Variants in SEMA3C observed in about 807,000 individuals in gnomAD.
SEMA3C encodes the protein semaphorin-3C.
SEMA3C carries 47 observed loss-of-function variants against 89.4 expected under a neutral mutation model. That is an observed-to-expected ratio of 0.53 (90% CI 0.42 to 0.67). The LOEUF is 0.67. SEMA3C is among the 30% of genes least tolerant of loss of function. The pLI is 0.00. For missense variants in SEMA3C, 839 were observed against 929.1 expected, an observed-to-expected ratio of 0.90 and a Z score of 1.26; for synonymous variants, 310 against 320.2, an observed-to-expected ratio of 0.97 and a Z score of 0.34.
chr7:80,822,584 G>C (rs2115784822), intron 4 of SEMA3C, among the ~76,000 whole-genome samples: 1 of 152,216 alleles, frequency 6.6e-6, no homozygotes, highest in South Asian at 2.1e-4. Flanking sequence ...GAATATTGCA[G>C]AGAAGACAGA....
At chr7:80,859,045 C>A (rs898850190) in intron 2 of SEMA3C, among the ~76,000 whole-genome samples, 6 of 151,844 alleles carry the variant, frequency 4.0e-5, no homozygotes, top group Admixed American at 3.9e-4. Context: ...CGTTTGAAAC[C>A]TTTGAAACTC....
intron 10 of SEMA3C, among the ~76,000 whole-genome samples, 153 bp from the exon 11 acceptor site, chr7:80,798,389 G>GA (rs1367608470): frequency 1.3e-5 from 2 of 151,970 alleles, no homozygotes; most frequent in Middle Eastern, 3.4e-3. Flanking sequence ...GAAAAACTTT[G>GA]AAAAAAGGTA....
chr7:80,747,345 T>C (rs1787825360), intron 17 of SEMA3C, among the ~76,000 whole-genome samples: 1 of 152,304 alleles, frequency 6.6e-6, no homozygotes, highest in African/African-American at 2.4e-5. Context: ...TTCAAACATA[T>C]GTATTTATTT....
chr7:80,827,353 C>G (rs540174689), intron 4 of SEMA3C, 72 bp downstream of exon 4: 264 of 1,406,990 alleles, frequency 1.9e-4, no homozygotes, highest in Non-Finnish European at 2.4e-4. Flanking sequence ...TGGCTTCCCT[C>G]AAAGTACATG....
chr7:80,744,713 A>C lies in SEMA3C; in HGVS notation c.*181T>G. ...GCACCATGAGGACCATGACATGTCTAGTGCTAGTCACTATCATACAAGAAA... is the reference window on the plus strand; with the variant it reads ...GCACCATGAGGACCATGACATGTCTCGTGCTAGTCACTATCATACAAGAAA... On this transcript the variant is annotated 3_prime_UTR_variant, in exon 18 of 18. Coordinates refer to ENST00000265361, the MANE Select transcript of SEMA3C (RefSeq NM_006379.5). 3.1e-6 allele frequency: 2 copies of C among 639,682 alleles called. No homozygotes were observed. Among genetic ancestry groups the C allele is most frequent in the South Asian group, 3.9e-5 (2 of 51,800 alleles). 39.6% of individuals were successfully genotyped at this position (639,682 alleles called of 1,614,324 possible).
chr7:80,828,616 T>C lies in SEMA3C; in HGVS notation c.233A>G (p.Asn78Ser). ...VGSKDHILSL[N>S]INNISQEALS... ...AGCTTCTTGACTTATATTGTTAATA[T>C]TCAGGGAAAGAATGTGATCTTTGCT... The change falls in exon 3 of 18, where the codon AAT becomes AGT. Residue 78 changes from asparagine (N) to serine (S), a missense_variant. Physicochemically the swap from Asn to Ser is conservative, Grantham distance 46. Transcript: ENST00000265361. The C allele has an allele frequency of 6.2e-7, 1 of 1,610,008 alleles. No individual in the cohort carries two copies.
At position 80,748,897 on chromosome 7, in the gene SEMA3C, C is replaced by A. The variant is rs538260254; in HGVS notation, c.1842+1G>T. The A allele has an allele frequency of 6.2e-7, 1 of 1,609,778 alleles. No individual in the cohort carries two copies. Among genetic ancestry groups the A allele is most frequent in the East Asian group, 2.2e-5 (1 of 44,798 alleles). On this transcript the variant is annotated splice_donor_variant, in intron 17 of 17. Transcript: ENST00000265361. LOFTEE classifies it high-confidence loss of function. ...GATTGCTGCTGTGCTGCTTTACTCA[C>A]CTCTTTCCTCCTGTCTTTGTCTTTC... is the stretch of plus-strand genomic sequence containing the variant.
At chr7:80,874,893 C>G (rs958508371) in intron 2 of SEMA3C, among the ~76,000 whole-genome samples, 3 of 152,018 alleles carry the variant, frequency 2.0e-5, no homozygotes, top group Admixed American at 2.0e-4. Context: ...CCAGCCTGAC[C>G]AACAAGATGA....
chr7:80,809,352 C>G (rs1354269755), intron 6 of SEMA3C, among the ~76,000 whole-genome samples: 4 of 152,110 alleles, frequency 2.6e-5, no homozygotes, highest in African/African-American at 9.7e-5. Context: ...AAAAAACACC[C>G]CTTTAACCAT....
In SEMA3C at chr7:80,810,605, A is replaced by C. The variant is rs1439202954; in HGVS notation, c.538+6T>G. 3 of 1,610,300 alleles carry C rather than the reference A, an allele frequency of 1.9e-6. No individual in the cohort carries two copies. Among genetic ancestry groups the C allele is most frequent in the Non-Finnish European group, 2.5e-6 (3 of 1,176,864 alleles). On this transcript the variant is annotated splice_donor_region_variant and intron_variant, in intron 6 of 17. Coordinates refer to ENST00000265361, the MANE Select transcript of SEMA3C (RefSeq NM_006379.5). ...TTTAATCCTCCCTCTTTCGTTGTCT[A>C]CTTACTGATCATAACAGACACCGTG...
At chr7:80,864,736 T>A (rs182673092) in intron 2 of SEMA3C, among the ~76,000 whole-genome samples, 1 of 152,292 alleles carries the variant, frequency 6.6e-6, no homozygotes, top group East Asian at 1.9e-4. Flanking sequence ...AGATTCTCCA[T>A]CTCTCCTGAG....
rs190419068 is a variant in SEMA3C, at chr7:80,888,332, T to G, written c.103+28347A>C. ...GGGAGGCCGAGGCAGGAGGATTACC[T>G]GAGTCCAGGAAAATGAGCCACTTGG... On this transcript the variant is annotated intron_variant, in intron 2 of 17. Transcript: ENST00000265361. Among the ~76,000 whole-genome samples, 413 of 151,822 alleles carry G rather than the reference T, an allele frequency of 2.7e-3. 3 individuals carry two copies. The highest frequency in any genetic ancestry group is 9.1e-3 in the African/African-American group (375 of 41,388).
In SEMA3C at chr7:80,805,556, C is replaced by A. The variant is rs565329545; in HGVS notation, c.658+83G>T. 2.0e-5 allele frequency: 24 copies of A among 1,219,740 alleles called. No individual in the cohort carries two copies. In the East Asian group the frequency reaches 5.8e-4, roughly 30 times the overall value. 75.6% of individuals were successfully genotyped at this position (1,219,740 alleles called of 1,614,324 possible). On this transcript the variant is annotated intron_variant, in intron 7 of 17. Transcript: ENST00000265361. ...ATAGCCTGCTATTTTAGTTTTTAAC[C>A]ATTTTCCCTAGTTGTTAGGATAGAA... is the stretch of plus-strand genomic sequence containing the variant.
intron 1 of SEMA3C, among the ~76,000 whole-genome samples, chr7:80,917,699 T>C (rs1359179602): frequency 6.6e-6 from 1 of 152,174 alleles, no homozygotes; most frequent in African/African-American, 2.4e-5. Context: ...TCATGTAAAA[T>C]AAACTCAGGA....
intron 11 of SEMA3C, among the ~76,000 whole-genome samples, chr7:80,792,461 C>A (rs1583882077): frequency 6.6e-6 from 1 of 152,150 alleles, no homozygotes; most frequent in Non-Finnish European, 1.5e-5. Flanking sequence ...CTGGAAAAAT[C>A]AAAGTTAGCA....
At chr7:80,758,285 T>C in intron 15 of SEMA3C, 46 bp downstream of exon 15, 1 of 1,581,634 alleles carries the variant, frequency 6.3e-7, no homozygotes, top group Admixed American at 1.9e-5. Flanking sequence ...TTCTGTATTG[T>C]CTGGTGTCCT....
chr7:80,919,225 G>A (rs2116271076), upstream of SEMA3C: 2 of 985,134 alleles, frequency 2.0e-6, no homozygotes, highest in Non-Finnish European at 2.4e-6. Flanking sequence ...GCCCGCGAGA[G>A]CCTGGCAGGG....
intron 2 of SEMA3C, among the ~76,000 whole-genome samples, chr7:80,851,188 A>G (rs1583940704): frequency 6.6e-6 from 1 of 152,154 alleles, no homozygotes; most frequent in Non-Finnish European, 1.5e-5. Flanking sequence ...ATTTATTCAC[A>G]TCTGCAAAGT....
rs1246038566 is a variant in SEMA3C at position 80,828,565 on chromosome 7, C to T, written c.264+20G>A. 14 of 1,584,336 alleles carry T rather than the reference C, an allele frequency of 8.8e-6. No individual in the cohort carries two copies. Among genetic ancestry groups the T allele is most frequent in the African/African-American group, 2.7e-5 (2 of 74,212 alleles). ...ACATTGAAAAGGTGGACACTGTCCTCGTGAAAGTGATAAACTTACACTCAA... is the reference window on the plus strand; with the variant it reads ...ACATTGAAAAGGTGGACACTGTCCTTGTGAAAGTGATAAACTTACACTCAA... On this transcript the variant is annotated intron_variant, in intron 3 of 17. Transcript: ENST00000265361.
Sources: gnomAD v4.1 joint callset for allele counts (sites outside exome capture counted in the v4.1 genomes callset) on GRCh38, gnomAD v4.1.1 for gene constraint, MANE v1.5 for transcripts, NCBI Gene and HGNC (gene_info 2026-07-23, HGNC 2026-07-21) for gene names.